The following NGEF variants were observed in gnomAD, a reference collection of about 807,000 sequenced individuals.
The protein encoded by NGEF is neuronal guanine nucleotide exchange factor.
A neutral mutation model predicts 80.9 loss-of-function variants in NGEF; 31 were observed. The observed-to-expected ratio is 0.38, with a 90% CI of 0.29 to 0.52. The LOEUF is 0.52. Among genes scored for constraint, NGEF ranks in the 20% least tolerant of loss-of-function variants. NGEF has a pLI of 0.84. For missense variants in NGEF, 709 were observed against 926.2 expected (o/e 0.77, Z 3.04); for synonymous variants, 371 against 370.2 (o/e 1.00, Z -0.03).
At chr2:232,898,929 G>A (rs1049639903) in intron 5 of NGEF, among the ~76,000 whole-genome samples, 1 of 152,092 alleles carries the variant, frequency 6.6e-6, no homozygotes, top group East Asian at 1.9e-4. Context: ...TGTGTATATG[G>A]GTGTGGCTGT....
chr2:232,904,216 T>A (rs1353054291), intron 5 of NGEF, among the ~76,000 whole-genome samples: 2 of 151,876 alleles, frequency 1.3e-5, no homozygotes, highest in African/African-American at 4.8e-5. Context: ...CATATATGAG[T>A]GTGTGTCCCT....
chr2:232,895,336 G>A (rs541272136), intron 5 of NGEF, among the ~76,000 whole-genome samples: 4 of 152,134 alleles, frequency 2.6e-5, no homozygotes, highest in South Asian at 2.1e-4. Context: ...AGACCACCCT[G>A]GCCAACATGG....
intron 3 of NGEF, among the ~76,000 whole-genome samples, chr2:232,928,860 C>A (rs1006912161): frequency 2.0e-5 from 3 of 152,218 alleles, no homozygotes; most frequent in Non-Finnish European, 4.4e-5. Flanking sequence ...TCTGCGCCTT[C>A]GCGTTAGCTG....
intron 3 of NGEF, among the ~76,000 whole-genome samples, chr2:232,968,853 G>T (rs965887899): frequency 6.6e-6 from 1 of 152,168 alleles, no homozygotes; most frequent in Non-Finnish European, 1.5e-5. Context: ...GACCTGGCTG[G>T]TGCCACGCCC....
chr2:232,997,017 T>G (rs2106340544), intron 1 of NGEF, among the ~76,000 whole-genome samples: 1 of 152,324 alleles, frequency 6.6e-6, no homozygotes, highest in African/African-American at 2.4e-5. Context: ...GGAACTAGAA[T>G]CATTCTGAAC....
In NGEF at chr2:232,893,958, G is replaced by A. The variant is rs1239987975; in HGVS notation, c.989+798C>T. On this transcript the variant is annotated intron_variant, in intron 6 of 14. Transcript: ENST00000264051. ...ACCCACTTGGAGGCCCACAGAGAGTGAGCAGCTCCCAGGGTGCCACATGTG... is the reference window on the plus strand; with the variant it reads ...ACCCACTTGGAGGCCCACAGAGAGTAAGCAGCTCCCAGGGTGCCACATGTG... Among the ~76,000 whole-genome samples the A allele has an allele frequency of 3.9e-5, 6 of 152,228 alleles. No individual in the cohort carries two copies. In the South Asian group the frequency reaches 1.2e-3, roughly 32 times the overall value.
Position 232,892,184 on chromosome 2 carries a change from A to G in NGEF, c.1143-697T>C, listed in dbSNP as rs746726535. 1.3e-5 allele frequency among the ~76,000 whole-genome samples: 2 copies of G among 151,974 alleles called. No homozygotes were observed. Among genetic ancestry groups the G allele is most frequent in the African/African-American group, 2.4e-5 (1 of 41,364 alleles). Reference sequence around the variant, plus strand: ...CCTCCAATTCCAATTTTCCTTCACCAACTGTTAAAACATCCAAATGCCCAA... The same window carrying G: ...CCTCCAATTCCAATTTTCCTTCACCGACTGTTAAAACATCCAAATGCCCAA... On this transcript the variant is annotated intron_variant, in intron 7 of 14. Coordinates refer to ENST00000264051, the MANE Select transcript of NGEF (RefSeq NM_019850.3). The surrounding 1 kb of genome is among the most constrained non-coding windows in gnomAD (Gnocchi z 4.0).
chr2:232,932,518 G>A (rs1693237178), intron 3 of NGEF, among the ~76,000 whole-genome samples: 1 of 151,954 alleles, frequency 6.6e-6, no homozygotes, highest in South Asian at 2.1e-4. Context: ...TTTCTAGCAT[G>A]TGCCTCAAAA....
rs118027882 is a variant in NGEF, at chr2:232,988,160, G to C, written c.-74-13196C>G. Among the ~76,000 whole-genome samples the C allele has an allele frequency of 2.0e-3, 296 of 151,062 alleles. 3 individuals carry two copies. Among genetic ancestry groups the C allele is most frequent in the East Asian group, 0.013 (65 of 4,984 alleles). On this transcript the variant is annotated intron_variant, in intron 1 of 14. Transcript: ENST00000264051. ...TGGTGGAGTAGAGGTGCCTTAGCTG[G>C]CTGATCCCTGCTCCCTCCCCCACCA...
At chr2:232,901,263 C>G in intron 5 of NGEF, 2 of 601,876 alleles carry the variant, frequency 3.3e-6, no homozygotes, top group East Asian at 1.4e-4. Context: ...CAGTGTCTGT[C>G]CTCGGAGTCC....
At chr2:232,884,279 A>T (rs1691605322) in intron 10 of NGEF, 135 bp from the exon 11 acceptor site, 1 of 1,001,354 alleles carries the variant, frequency 1.0e-6, no homozygotes. Flanking sequence ...TTGGGGGGAA[A>T]GGCCGAGTTC....
At chr2:232,896,174 T>C (rs1692053234) in intron 5 of NGEF, among the ~76,000 whole-genome samples, 1 of 152,138 alleles carries the variant, frequency 6.6e-6, no homozygotes, top group South Asian at 2.1e-4. Flanking sequence ...GGGACCTTAT[T>C]TGGGAAAAGG....
intron 1 of NGEF, among the ~76,000 whole-genome samples, chr2:232,990,894 G>A (rs1007859406): frequency 2.0e-5 from 3 of 151,982 alleles, no homozygotes; most frequent in Non-Finnish European, 4.4e-5. Flanking sequence ...TGACCAAGTA[G>A]AATTTATCCC....
At chr2:232,890,145 C>A (rs80035832) in intron 8 of NGEF, among the ~76,000 whole-genome samples, 1 of 140,940 alleles carries the variant, frequency 7.1e-6, no homozygotes. Flanking sequence ...GGTTGTCAGG[C>A]GGAGGGAGTC....
At chr2:232,932,282 A>G (rs1173296679) in intron 3 of NGEF, among the ~76,000 whole-genome samples, 9 of 148,742 alleles carry the variant, frequency 6.1e-5, no homozygotes, top group African/African-American at 2.2e-4. Flanking sequence ...CTCCTGTCTC[A>G]GCCTCCCAAG....
chr2:232,904,163 C>A (rs922616431), intron 5 of NGEF, among the ~76,000 whole-genome samples: 18 of 152,148 alleles, frequency 1.2e-4, no homozygotes, highest in African/African-American at 4.3e-4. Context: ...CCTGTCTGGG[C>A]ATGGGGGGAC....
At chr2:232,912,222 T>C (rs1692705025) in intron 5 of NGEF, among the ~76,000 whole-genome samples, 1 of 152,218 alleles carries the variant, frequency 6.6e-6, no homozygotes, top group Non-Finnish European at 1.5e-5. Context: ...GACTGAATAC[T>C]GAATTTTGTC....
At chr2:232,990,403 A>C (rs766796703) in intron 1 of NGEF, among the ~76,000 whole-genome samples, 2 of 152,134 alleles carry the variant, frequency 1.3e-5, no homozygotes, top group Admixed American at 6.5e-5. Flanking sequence ...TTTTTCTTGG[A>C]TGGGAAAATG....
chr2:232,937,572 G>A (rs1017977144), intron 3 of NGEF, among the ~76,000 whole-genome samples: 1 of 152,170 alleles, frequency 6.6e-6, no homozygotes, highest in African/African-American at 2.4e-5. Flanking sequence ...TCCTCCCAGT[G>A]AACCTGAGCT....
Sources: allele counts gnomAD v4.1 joint callset (sites outside exome capture counted in the v4.1 genomes callset), GRCh38; gene constraint gnomAD v4.1.1; non-coding constraint Gnocchi (gnomAD v3.1); transcripts MANE v1.5; gene names NCBI Gene and HGNC (gene_info 2026-07-23, HGNC 2026-07-21).